SYNE1: variants seen among roughly 807,000 people sequenced by gnomAD.
The protein encoded by SYNE1 is spectrin repeat containing nuclear envelope protein 1.
SYNE1 carries 616 observed loss-of-function variants against 1,111.0 expected under a neutral mutation model. The observed-to-expected ratio is 0.55, with a 90% confidence interval of 0.52 to 0.59. The LOEUF (loss-of-function observed/expected upper bound fraction) is 0.59. Ranked by LOEUF, SYNE1 falls within the 20% of genes least tolerant of loss-of-function variation. The probability of loss-of-function intolerance (pLI) is 0.00; values close to 1 mark genes in which losing one functional copy is unlikely to be tolerated. For missense variants in SYNE1, 10,006 were observed against 10,417.0 expected (o/e 0.96, Z 1.72); for synonymous variants, 3,855 against 3,825.8 (o/e 1.01, Z -0.28).
chr6:152,414,611 T>A (rs1055322839), intron 41 of SYNE1, among the ~76,000 whole-genome samples: 13 of 152,164 alleles, frequency 8.5e-5, no homozygotes. Flanking sequence ...CAGTGAAGCA[T>A]TAGTATGGCT....
intron 11 of SYNE1, among the ~76,000 whole-genome samples, chr6:152,498,287 C>T (rs377151275): frequency 2.0e-4 from 30 of 152,212 alleles, no homozygotes; most frequent in African/African-American, 6.7e-4. Context: ...ACCATGAGAC[C>T]GAATACTGAG....
In SYNE1 at chr6:152,330,842, A is replaced by T; in HGVS notation, c.13843T>A (p.Tyr4615Asn). The part of the protein sequence containing the change: ...YQNILEQSPE[Y>N]ENLLLTLQRT... ...TGCAGCGTAAGTAGAAGATTTTCAT[A>T]TTCTGGAGATTGTTCAAGAATGTTT... is the stretch of plus-strand genomic sequence containing the variant. Residue 4615 changes from tyrosine (Y) to asparagine (N), a missense_variant, in exon 78 of 146, where the codon TAT (tyrosine) becomes AAT (asparagine). Tyr to Asn is a moderately radical substitution (Grantham distance 143). Transcript: ENST00000367255. 8.1e-6 allele frequency: 13 copies of T among 1,614,108 alleles called. No homozygotes were observed. The highest frequency in any genetic ancestry group is 9.3e-6 in the Non-Finnish European group (11 of 1,180,028).
intron 69 of SYNE1, among the ~76,000 whole-genome samples, chr6:152,352,974 A>G (rs2096768371): frequency 1.3e-5 from 2 of 152,206 alleles, no homozygotes; most frequent in South Asian, 4.1e-4. Context: ...TGGGCCATTA[A>G]TTTGAGAGAG....
intron 130 of SYNE1, 25 bp from the exon 131 acceptor site, chr6:152,164,350 C>A (rs530734964): frequency 6.2e-7 from 1 of 1,613,654 alleles, no homozygotes; most frequent in East Asian, 2.2e-5. Flanking sequence ...GGGGGAATGT[C>A]CCACTTCAGC....
In SYNE1 at chr6:152,242,224, C is replaced by CT. The variant is rs1381245485; in HGVS notation, c.19893+15dup. 6.2e-7 allele frequency: 1 copy of CT among 1,609,410 alleles called. No homozygotes were observed. Among genetic ancestry groups the CT allele is most frequent in the South Asian group, 1.1e-5 (1 of 90,972 alleles). On this transcript the variant is annotated intron_variant, in intron 107 of 145. Coordinates refer to ENST00000367255, the MANE Select transcript of SYNE1 (RefSeq NM_182961.4). The stretch of plus-strand genomic sequence containing the variant: ...CCAATTACATTTTCTCTCTATCACT[C>CT]TTTTTTGTTATGTACCTTATGTTTG...
Position 152,331,775 on chromosome 6 carries a change from C to G in SYNE1, c.12910G>C (p.Glu4304Gln), listed in dbSNP as rs2096252522. 10 of 1,614,182 alleles carry G rather than the reference C, an allele frequency of 6.2e-6. No individual in the cohort carries two copies. The highest frequency in any genetic ancestry group is 8.5e-6 in the Non-Finnish European group (10 of 1,180,030). Residue 4304 changes from glutamate to glutamine, a missense_variant, in exon 78 of 146, where the codon GAG (glutamate) becomes CAG (glutamine). Coordinates refer to ENST00000367255, the MANE Select transcript of SYNE1 (RefSeq NM_182961.4). ...TCCTTGTCATCTAAATTCAGATGCTCTATCATTTTCTGCTTTTGATCTTTC... is the reference window on the plus strand; with the variant it reads ...TCCTTGTCATCTAAATTCAGATGCTGTATCATTTTCTGCTTTTGATCTTTC... ...DLKDQKQKMIEHLNLDDKELV... is the reference protein window; with the variant it reads ...DLKDQKQKMIQHLNLDDKELV...
At chr6:152,218,781 A>C (rs1019579669) in intron 120 of SYNE1, among the ~76,000 whole-genome samples, 10 of 152,224 alleles carry the variant, frequency 6.6e-5, no homozygotes, top group Non-Finnish European at 1.5e-4. Context: ...GCATTGGTTC[A>C]GGGGCTTGCA....
chr6:152,596,363 C>T (rs972397264), intron 3 of SYNE1, among the ~76,000 whole-genome samples: 3 of 150,182 alleles, frequency 2.0e-5, no homozygotes, highest in African/African-American at 7.4e-5. Flanking sequence ...TCAAGAGATG[C>T]TCATGCCTGA....
In SYNE1 at chr6:152,148,245, A is replaced by G. The variant is rs776103819; in HGVS notation, c.24776T>C (p.Leu8259Pro). ...GCTCCGGAGGGGCTGAGCGAGCGAG[A>G]GGGAGAGATTGGAGGAAGGCTGTGG... Reference protein sequence around the residue: ...LSPQPSSNLSLSLAQPLRSER... With the variant: ...LSPQPSSNLSPSLAQPLRSER... Residue 8259 changes from leucine (L) to proline (P), a missense_variant, in exon 137 of 146, where the codon CTC becomes CCC. Transcript: ENST00000367255. The surrounding 1 kb of genome is among the most constrained non-coding windows in gnomAD (Gnocchi z 4.1). 3 of 1,613,798 alleles carry G rather than the reference A, an allele frequency of 1.9e-6. No homozygotes were observed. In the East Asian group the frequency reaches 6.7e-5, roughly 36 times the overall value.
At chr6:152,144,026 TGCAC>T (rs1160394691) in intron 137 of SYNE1, 1 of 492,244 alleles carries the variant, frequency 2.0e-6, no homozygotes, top group African/African-American at 2.0e-5. Flanking sequence ...AACAGCTTCG[TGCAC>T]CTGACCCTCT....
At chr6:152,189,013 ATATAT>A in intron 128 of SYNE1, among the ~76,000 whole-genome samples, 1 of 133,992 alleles carries the variant, frequency 7.5e-6, no homozygotes, top group Non-Finnish European at 1.6e-5. Flanking sequence ...ATATATATAT[ATATAT>A]AAAATGCCAG....
chr6:152,418,378 A>G (rs1372246122), intron 40 of SYNE1, among the ~76,000 whole-genome samples: 1 of 152,200 alleles, frequency 6.6e-6, no homozygotes, highest in African/African-American at 2.4e-5. Flanking sequence ...ATGTAAAACT[A>G]TCTCCTGTCC....
chr6:152,491,117 A>G (rs1169182527), intron 11 of SYNE1, among the ~76,000 whole-genome samples: 1 of 151,880 alleles, frequency 6.6e-6, no homozygotes, highest in Non-Finnish European at 1.5e-5. Flanking sequence ...GTGTCTGATC[A>G]CTGTGGGGAT....
Position 152,352,195 on chromosome 6 carries a change from G to A in SYNE1, c.11412C>T (p.Val3804=), listed in dbSNP as rs777170937. ...TTTCCAGCGTCATGTGTTCTTTCCG[G>A]ACAGTGCTGGTCAGTTCCTTCAACT... The part of the protein sequence containing the change: ...MEQLKELTST[V]RKEHMTLEKG... The change falls in exon 70 of 146, where the codon GTC becomes GTT. Residue 3804 remains valine, a synonymous_variant. Coordinates refer to ENST00000367255, the MANE Select transcript of SYNE1 (RefSeq NM_182961.4). 13 of 1,613,904 alleles carry A rather than the reference G, an allele frequency of 8.1e-6. No homozygotes were observed. The highest frequency in any genetic ancestry group is 3.3e-5 in the Admixed American group (2 of 59,986).
chr6:152,235,490 C>A (rs6931377), intron 110 of SYNE1, among the ~76,000 whole-genome samples: 1 of 151,802 alleles, frequency 6.6e-6, no homozygotes, highest in Non-Finnish European at 1.5e-5. Context: ...GCCTCCTGAG[C>A]AGCTGGGATT....
At chr6:152,457,740 T>C (rs214965) in intron 22 of SYNE1, among the ~76,000 whole-genome samples, 79,386 of 151,468 alleles carry the variant, frequency 0.52, 22,676 homozygotes, top group East Asian at 0.76. Context: ...TATCTGTCTA[T>C]CTATCTATCT....
intron 119 of SYNE1, among the ~76,000 whole-genome samples, 167 bp from the exon 120 acceptor site, chr6:152,219,352 T>C (rs1433968804): frequency 6.6e-6 from 1 of 152,216 alleles, no homozygotes; most frequent in Non-Finnish European, 1.5e-5. Context: ...GAACCCCATT[T>C]TTTAAAATGC....
intron 3 of SYNE1, among the ~76,000 whole-genome samples, chr6:152,606,683 T>C (rs1302948682): frequency 6.7e-6 from 1 of 150,336 alleles, no homozygotes; most frequent in Non-Finnish European, 1.5e-5. Context: ...AGCCTGGCTC[T>C]GTCGCCCAGG....
intron 106 of SYNE1, 80 bp from the exon 107 acceptor site, chr6:152,242,520 C>A: frequency 6.6e-7 from 1 of 1,523,170 alleles, no homozygotes; most frequent in Non-Finnish European, 9.0e-7. Context: ...ATGAACGCAC[C>A]AAGCCCGAGA....
Sources: allele counts gnomAD v4.1 joint callset (sites outside exome capture counted in the v4.1 genomes callset), GRCh38; gene constraint gnomAD v4.1.1; non-coding constraint Gnocchi (gnomAD v3.1); transcripts MANE v1.5; gene names NCBI Gene and HGNC (gene_info 2026-07-23, HGNC 2026-07-21).